SEPTIN14: variants seen among roughly 807,000 people sequenced by gnomAD.
SEPTIN14 encodes the protein septin 14, also known as septin-14.
In SEPTIN14, 40 loss-of-function variants were observed where a neutral mutation model predicts 53.6. The ratio of observed to expected loss-of-function variants is 0.75; its 90% CI spans 0.58 to 0.97. The LOEUF (loss-of-function observed/expected upper bound fraction) is 0.97. Ranked by LOEUF, SEPTIN14 falls within the 50% of genes least tolerant of loss-of-function variation. The probability of loss-of-function intolerance (pLI) is 0.00; values close to 1 mark genes in which losing one functional copy is unlikely to be tolerated. For missense variants in SEPTIN14, 471 were observed against 508.2 expected, an observed-to-expected ratio of 0.93 and a Z score of 0.70; for synonymous variants, 138 against 166.8, an observed-to-expected ratio of 0.83 and a Z score of 1.33.
intron 2 of SEPTIN14, among the ~76,000 whole-genome samples, chr7:55,849,168 T>C (rs1789476181): frequency 6.6e-6 from 1 of 150,916 alleles, no homozygotes; most frequent in Admixed American, 6.6e-5. Flanking sequence ...CTACTAAATA[T>C]ACAAAAATGA....
At chr7:55,849,694 C>T (rs563922182) in intron 2 of SEPTIN14, among the ~76,000 whole-genome samples, 36 of 150,388 alleles carry the variant, frequency 2.4e-4, no homozygotes, top group Non-Finnish European at 3.3e-4. Context: ...TGCGGTGAGC[C>T]GAGATCGCAC....
chr7:55,800,786 C>T (rs1788512052), intron 9 of SEPTIN14, among the ~76,000 whole-genome samples: 1 of 152,076 alleles, frequency 6.6e-6, no homozygotes, highest in Non-Finnish European at 1.5e-5. Flanking sequence ...AACAGGGTCA[C>T]TATACACAAT....
At chr7:55,844,912 C>T (rs1352130918) in intron 3 of SEPTIN14, among the ~76,000 whole-genome samples, 194 bp from the exon 4 acceptor site, 5 of 145,868 alleles carry the variant, frequency 3.4e-5, no homozygotes, top group African/African-American at 5.0e-5. Context: ...TACAAAGTTT[C>T]TTTTTTTTTT....
intron 9 of SEPTIN14, among the ~76,000 whole-genome samples, chr7:55,802,297 G>A (rs1004894731): frequency 7.2e-5 from 11 of 152,052 alleles, no homozygotes; most frequent in Admixed American, 1.3e-4. Context: ...GAGCCACCTC[G>A]CCTGGCCAGG....
chr7:55,827,991 G>C (rs191042936), intron 6 of SEPTIN14, among the ~76,000 whole-genome samples: 204 of 150,798 alleles, frequency 1.4e-3, no homozygotes, highest in African/African-American at 4.6e-3. Context: ...TCCCAGATGA[G>C]AAGAAACCAT....
intron 4 of SEPTIN14, among the ~76,000 whole-genome samples, chr7:55,843,602 G>A (rs1214535696): frequency 6.6e-6 from 1 of 152,216 alleles, no homozygotes; most frequent in Admixed American, 6.5e-5. Flanking sequence ...GGGAGGCCAA[G>A]GTGGGTGGAT....
chr7:55,795,823 T>G lies in SEPTIN14; in HGVS notation c.*90A>C. Reference sequence around the variant, plus strand: ...ACAATAAGCAAGCCAATTTTTAAAATGAGAACTTCAGAGTTAAATGCTACA... The same window carrying G: ...ACAATAAGCAAGCCAATTTTTAAAAGGAGAACTTCAGAGTTAAATGCTACA... On this transcript the variant is annotated 3_prime_UTR_variant, in exon 10 of 10. Transcript: ENST00000388975. 1.0e-6 allele frequency: 1 copy of G among 1,002,274 alleles called. No individual in the cohort carries two copies. The highest frequency in any genetic ancestry group is 1.4e-5 in the South Asian group (1 of 72,090). 62.1% of individuals were successfully genotyped at this position (1,002,274 alleles called of 1,614,324 possible).
intron 2 of SEPTIN14, chr7:55,850,866 T>C (rs1238547750): frequency 6.6e-6 from 1 of 150,884 alleles, no homozygotes; most frequent in African/African-American, 2.4e-5. Flanking sequence ...AGGTCAGGAG[T>C]TCAAGACCAG....
intron 3 of SEPTIN14, 72 bp from the exon 4 acceptor site, chr7:55,844,790 C>CG: frequency 1.4e-6 from 1 of 733,404 alleles, no homozygotes; most frequent in South Asian, 4.4e-5. Context: ...TGAATTCCTA[C>CG]GGTGGTTTTT....
In SEPTIN14 at chr7:55,795,169, C is replaced by T. The variant is rs1419812287; in HGVS notation, c.*744G>A. On this transcript the variant is annotated 3_prime_UTR_variant, in exon 10 of 10. Transcript: ENST00000388975. ...AGTAGAACTTAAAAAGGAAAATAGG[C>T]CTATTAATTAGATTTGTATAACTTA... 2.6e-5 allele frequency: 4 copies of T among 151,922 alleles called. No individual in the cohort carries two copies. The highest frequency in any genetic ancestry group is 9.7e-5 in the African/African-American group (4 of 41,328). The allele number at this position is 151,922 out of a possible 1,614,324, so 9.4% of individuals were successfully genotyped here.
At chr7:55,805,136 C>T in intron 9 of SEPTIN14, 122 bp downstream of exon 9, 2 of 837,598 alleles carry the variant, frequency 2.4e-6, no homozygotes. Flanking sequence ...TGGTAAAAAG[C>T]TACTTTTTGA....
At chr7:55,807,704 A>G (rs1317234830) in intron 7 of SEPTIN14, among the ~76,000 whole-genome samples, 2 of 152,196 alleles carry the variant, frequency 1.3e-5, no homozygotes, top group Non-Finnish European at 2.9e-5. Context: ...ACATATTTCC[A>G]TTTATATATC....
chr7:55,843,352 T>C (rs890634472), intron 4 of SEPTIN14, among the ~76,000 whole-genome samples: 30 of 152,144 alleles, frequency 2.0e-4, no homozygotes, highest in Non-Finnish European at 1.3e-4. Context: ...GCTGGGTGCA[T>C]CCGACAGGGG....
intron 9 of SEPTIN14, among the ~76,000 whole-genome samples, chr7:55,799,650 T>G (rs10234390): frequency 0.26 from 38,976 of 150,868 alleles, 7,502 homozygotes; most frequent in African/African-American, 0.52. Flanking sequence ...TAAGAGACAA[T>G]ATCACTATAT....
intron 5 of SEPTIN14, among the ~76,000 whole-genome samples, chr7:55,841,441 A>G (rs1169107490): frequency 6.6e-6 from 1 of 152,004 alleles, no homozygotes; most frequent in Admixed American, 6.6e-5. Flanking sequence ...TTATGTTTAG[A>G]TACACAGACA....
chr7:55,807,376 AT>A (rs1788627374), intron 7 of SEPTIN14, 118 bp from the exon 8 acceptor site: 1 of 612,392 alleles, frequency 1.6e-6, no homozygotes, highest in African/African-American at 1.9e-5. Flanking sequence ...CAACTGAACA[AT>A]TTGATTAATA....
chr7:55,799,757 T>G (rs1788497228), intron 9 of SEPTIN14, among the ~76,000 whole-genome samples: 1 of 151,722 alleles, frequency 6.6e-6, no homozygotes, highest in Non-Finnish European at 1.5e-5. Context: ...TTAACAGAAA[T>G]GAAGGAAGAA....
intron 5 of SEPTIN14, among the ~76,000 whole-genome samples, chr7:55,840,657 A>G (rs958125851): frequency 6.6e-6 from 1 of 152,178 alleles, no homozygotes; most frequent in African/African-American, 2.4e-5. Context: ...GTAGGAAAAT[A>G]CATTTTCATT....
At chr7:55,832,597 A>G (rs1789128785) in intron 6 of SEPTIN14, among the ~76,000 whole-genome samples, 1 of 152,212 alleles carries the variant, frequency 6.6e-6, no homozygotes, top group Non-Finnish European at 1.5e-5. Context: ...TGCTCTGTGC[A>G]GTAACATGGA....
Sources: gnomAD v4.1 joint callset for allele counts (sites outside exome capture counted in the v4.1 genomes callset) on GRCh38, gnomAD v4.1.1 for gene constraint, MANE v1.5 for transcripts, NCBI Gene and HGNC (gene_info 2026-07-23, HGNC 2026-07-21) for gene names.